Variants in FNIP2 observed in about 807,000 individuals in gnomAD.
FNIP2 encodes folliculin interacting protein 2, also known as folliculin-interacting protein 2.
In FNIP2, 32 loss-of-function variants were observed where a neutral mutation model predicts 108.7. The observed-to-expected ratio is 0.29, with a 90% CI of 0.22 to 0.40. FNIP2 has a LOEUF of 0.40. Ranked by LOEUF, FNIP2 falls within the 10% of genes least tolerant of loss-of-function variation. FNIP2 has a pLI of 1.00. For missense variants in FNIP2, 1,202 were observed against 1,381.6 expected, an observed-to-expected ratio of 0.87 and a Z score of 2.06; for synonymous variants, 480 against 496.7, an observed-to-expected ratio of 0.97 and a Z score of 0.45.
chr4:158,796,700 A>G (rs1415508383), intron 1 of FNIP2, among the ~76,000 whole-genome samples: 1 of 152,224 alleles, frequency 6.6e-6, no homozygotes, highest in East Asian at 1.9e-4. Flanking sequence ...CTAGAATTTT[A>G]TAGTTTTTCA....
At chr4:158,835,563 A>ATCT in intron 7 of FNIP2, 87 bp downstream of exon 7, 1 of 1,196,924 alleles carries the variant, frequency 8.4e-7, no homozygotes, top group Non-Finnish European at 1.2e-6. Flanking sequence ...ACAGGTAGAT[A>ATCT]ACCCTCATCC....
intron 16 of FNIP2, among the ~76,000 whole-genome samples, chr4:158,902,955 CG>C (rs1408629136): frequency 6.6e-6 from 1 of 152,168 alleles, no homozygotes; most frequent in Non-Finnish European, 1.5e-5. Flanking sequence ...CCAGACCACT[CG>C]GCTCCCTGGC....
chr4:158,826,261 G>C (rs1778150972), intron 2 of FNIP2, among the ~76,000 whole-genome samples: 1 of 152,206 alleles, frequency 6.6e-6, no homozygotes, highest in Non-Finnish European at 1.5e-5. Context: ...CTGTTAGCAA[G>C]TAATCATGGC....
At chr4:158,871,739 A>C (rs1210461111) in intron 14 of FNIP2, 9 of 984,700 alleles carry the variant, frequency 9.1e-6, no homozygotes, top group Middle Eastern at 5.2e-4. Flanking sequence ...TTTTGTCCCT[A>C]TAATATCATA....
chr4:158,889,231 G>T (rs1782167045), intron 14 of FNIP2, among the ~76,000 whole-genome samples: 1 of 152,126 alleles, frequency 6.6e-6, no homozygotes, highest in South Asian at 2.1e-4. Flanking sequence ...GATTTTTCAT[G>T]TTAGTATTTT....
chr4:158,784,839 C>T (rs1228981180), intron 1 of FNIP2, among the ~76,000 whole-genome samples: 2 of 152,106 alleles, frequency 1.3e-5, no homozygotes, highest in Non-Finnish European at 2.9e-5. Flanking sequence ...GGTTGGGGAT[C>T]CCTGCTCTAA....
chr4:158,894,166 TTTTC>T (rs1782477845), intron 15 of FNIP2, among the ~76,000 whole-genome samples: 1 of 127,080 alleles, frequency 7.9e-6, no homozygotes, highest in African/African-American at 2.8e-5. Flanking sequence ...TTAAAAAATG[TTTTC>T]TTTTTTTTTT....
At chr4:158,881,753 C>T (rs1439162113) in intron 14 of FNIP2, among the ~76,000 whole-genome samples, 2 of 152,250 alleles carry the variant, frequency 1.3e-5, no homozygotes, top group East Asian at 1.9e-4. Context: ...TCACTCAGTG[C>T]TCAATGTTGC....
rs573385038 is a variant in FNIP2, at chr4:158,881,504, G to A, written c.2950-9942G>A. On this transcript the variant is annotated intron_variant, in intron 14 of 16. Coordinates refer to ENST00000264433, the MANE Select transcript of FNIP2 (RefSeq NM_020840.3). ...CACGGTCTCCCTCTGATGCTGAGCC[G>A]AAGCTGGACTGTACTGCTGCCATCT... Among the ~76,000 whole-genome samples the A allele has an allele frequency of 4.0e-4, 60 of 151,250 alleles. 1 individual carries two copies. In the Middle Eastern group the frequency reaches 0.031, roughly 78 times the overall value.
chr4:158,803,248 A>G (rs1401092305), intron 1 of FNIP2, among the ~76,000 whole-genome samples: 1 of 152,262 alleles, frequency 6.6e-6, no homozygotes, highest in East Asian at 1.9e-4. Context: ...TAACTTGGCC[A>G]TGTGTAGGGT....
chr4:158,891,081 G>A (rs1233436438), intron 14 of FNIP2, among the ~76,000 whole-genome samples: 1 of 152,162 alleles, frequency 6.6e-6, no homozygotes, highest in Non-Finnish European at 1.5e-5. Context: ...GAGTAAGGAC[G>A]GAAGCAGCCA....
intron 1 of FNIP2, among the ~76,000 whole-genome samples, chr4:158,798,446 A>G (rs543957278): frequency 6.6e-6 from 1 of 152,260 alleles, no homozygotes; most frequent in South Asian, 2.1e-4. Flanking sequence ...CCCACTGAAT[A>G]TTCCCTATTG....
chr4:158,800,052 G>T (rs1195436350), intron 1 of FNIP2, among the ~76,000 whole-genome samples: 1 of 152,198 alleles, frequency 6.6e-6, no homozygotes, highest in African/African-American at 2.4e-5. Context: ...TTAAAGTTTA[G>T]ATATGAAGTA....
At chr4:158,825,821 G>A in intron 1 of FNIP2, 95 bp from the exon 2 acceptor site, 2 of 1,440,200 alleles carry the variant, frequency 1.4e-6, no homozygotes, top group Non-Finnish European at 1.9e-6. Flanking sequence ...GCCTTTTGAT[G>A]TGCACACAGG....
intron 1 of FNIP2, among the ~76,000 whole-genome samples, chr4:158,816,326 C>A (rs900284651): frequency 2.6e-5 from 4 of 151,926 alleles, no homozygotes; most frequent in Non-Finnish European, 5.9e-5. Context: ...AAATTTATTC[C>A]GTTGTCTATT....
chr4:158,905,558 A>G lies in FNIP2; in HGVS notation c.*1014A>G, dbSNP rs989634046. On this transcript the variant is annotated 3_prime_UTR_variant, in exon 17 of 17. Coordinates refer to ENST00000264433, the MANE Select transcript of FNIP2 (RefSeq NM_020840.3). ...AAGCAATTAGCTTGAACATTTAGAA[A>G]AAATTCATATATGATCTAAATTTTT... 2 of 152,222 alleles carry G rather than the reference A, an allele frequency of 1.3e-5. No homozygotes were observed. Among genetic ancestry groups the G allele is most frequent in the Non-Finnish European group, 2.9e-5 (2 of 68,042 alleles). 9.4% of individuals were successfully genotyped at this position (152,222 alleles called of 1,614,324 possible). A position where few individuals can be genotyped will look rare whatever the true frequency, so the allele number is the denominator to read the frequency against.
At chr4:158,855,112 T>A (rs1779911180) in intron 8 of FNIP2, among the ~76,000 whole-genome samples, 1 of 152,148 alleles carries the variant, frequency 6.6e-6, no homozygotes, top group Non-Finnish European at 1.5e-5. Context: ...AAGGTCTTGC[T>A]TTTGAGCCCC....
At chr4:158,791,306 CAG>C (rs1776412326) in intron 1 of FNIP2, among the ~76,000 whole-genome samples, 1 of 113,484 alleles carries the variant, frequency 8.8e-6, no homozygotes, top group Admixed American at 1.2e-4. Flanking sequence ...CTTTTTGAGA[CAG>C]AGTCTTGCTC....
intron 1 of FNIP2, among the ~76,000 whole-genome samples, chr4:158,793,874 CA>C (rs1776499128): frequency 6.6e-6 from 1 of 152,076 alleles, no homozygotes; most frequent in Admixed American, 6.5e-5. Flanking sequence ...GGAACGGAGG[CA>C]AATCATACTT....
Sources: gnomAD v4.1 joint callset for allele counts (sites outside exome capture counted in the v4.1 genomes callset) on GRCh38, gnomAD v4.1.1 for gene constraint, MANE v1.5 for transcripts, NCBI Gene and HGNC (gene_info 2026-07-23, HGNC 2026-07-21) for gene names.